CD300A: variants seen among roughly 807,000 people sequenced by gnomAD.
CD300A encodes the protein CD300a molecule.
A neutral mutation model predicts 33.6 loss-of-function variants in CD300A; 22 were observed. The ratio of observed to expected loss-of-function variants is 0.66; its 90% CI spans 0.47 to 0.94. CD300A has a LOEUF of 0.94. Among genes scored for constraint, CD300A ranks in the 40% least tolerant of loss-of-function variants. CD300A has a pLI of 0.00. For synonymous variants in CD300A, 136 were observed against 148.1 expected, an observed-to-expected ratio of 0.92 and a Z score of 0.59; for missense variants, 326 against 360.5, an observed-to-expected ratio of 0.90 and a Z score of 0.77.
chr17:74,466,736 G>A lies in CD300A; in HGVS notation c.33G>A (p.Trp11Ter). Residue 11 changes from tryptophan (W) to a stop codon, truncating the protein, a stop_gained, in exon 1 of 7, where the codon TGG (tryptophan) becomes TGA (stop). Transcript: ENST00000360141. LOFTEE classifies it high-confidence loss of function. MWLPWALLLL[W>*]VPGCFALSKC... Reference sequence around the variant, plus strand: ...TGCCTTGGGCTCTGTTGCTTCTCTGGGTCCCAGGTGAGAGTTTCCCTTCCC... The same window carrying A: ...TGCCTTGGGCTCTGTTGCTTCTCTGAGTCCCAGGTGAGAGTTTCCCTTCCC... The A allele has an allele frequency of 6.3e-7, 1 of 1,593,054 alleles. No homozygotes were observed. Among genetic ancestry groups the A allele is most frequent in the Non-Finnish European group, 8.6e-7 (1 of 1,169,302 alleles).
chr17:74,479,445 C>T (rs1337342116), intron 4 of CD300A, among the ~76,000 whole-genome samples: 2 of 151,856 alleles, frequency 1.3e-5, no homozygotes, highest in Non-Finnish European at 2.9e-5. Flanking sequence ...GATGGGGTTT[C>T]ACTATGTTGC....
At chr17:74,468,749 C>T (rs537938005) in intron 1 of CD300A, among the ~76,000 whole-genome samples, 36 of 152,130 alleles carry the variant, frequency 2.4e-4, no homozygotes, top group African/African-American at 8.0e-4. Flanking sequence ...CTCCGCCTCC[C>T]GGGTTCAAGT....
intron 3 of CD300A, among the ~76,000 whole-genome samples, chr17:74,476,536 A>G (rs1472455597): frequency 6.6e-6 from 1 of 152,172 alleles, no homozygotes; most frequent in African/African-American, 2.4e-5. Flanking sequence ...GTAATCTAAG[A>G]AAAAGATGAG....
intron 6 of CD300A, among the ~76,000 whole-genome samples, chr17:74,482,732 T>TCCTTCCTTTCCTTCC (rs1555639394): frequency 3.0e-5 from 4 of 132,944 alleles, no homozygotes; most frequent in African/African-American, 1.5e-4. Context: ...CTTTCTTTCT[T>TCCTTCCTTTCCTTCC]TGGAATCTCG....
At position 74,481,448 on chromosome 17, in the gene CD300A, A is replaced by C. The variant is rs1336924960; in HGVS notation, c.666+122A>C. ...ATGGAGCGGGGAGCTCACCCAGAGC[A>C]GGACGAATGATGCTGGGAGATGTGG... is the stretch of plus-strand genomic sequence containing the variant. On this transcript the variant is annotated intron_variant, in intron 5 of 6. Transcript: ENST00000360141. 3.4e-6 allele frequency: 3 copies of C among 872,778 alleles called. No homozygotes were observed. The East Asian group carries it at 7.4e-5, about 21-fold the overall frequency. The allele number at this position is 872,778 out of a possible 1,614,324, so 54.1% of individuals were successfully genotyped here. A position where few individuals can be genotyped will look rare whatever the true frequency, so the allele number is the denominator to read the frequency against.
chr17:74,472,612 C>CT (rs543193668), intron 1 of CD300A, among the ~76,000 whole-genome samples: 10,675 of 142,348 alleles, frequency 0.075, 533 homozygotes, highest in African/African-American at 0.15. Flanking sequence ...GTTTGTGACT[C>CT]TTTTTTTTTT....
rs753549071 is a variant in CD300A at position 74,481,758 on chromosome 17, T to C, written c.699T>C (p.Asn233=). Residue 233 remains asparagine (N), a synonymous_variant, in exon 6 of 7, where the codon AAT becomes AAC. Transcript: ENST00000360141. ...CGCAGAGTGAGCTGCACTACGCAAATCTGGAGCTGCTGATGTGGCCTCTGC... is the reference window on the plus strand; with the variant it reads ...CGCAGAGTGAGCTGCACTACGCAAACCTGGAGCTGCTGATGTGGCCTCTGC... The part of the protein sequence containing the change: ...AATQSELHYA[N]LELLMWPLQE... The C allele has an allele frequency of 1.2e-6, 2 of 1,612,428 alleles. No individual in the cohort carries two copies. The highest frequency in any genetic ancestry group is 1.1e-5 in the South Asian group (1 of 90,672).
At chr17:74,479,918 G>C (rs1376188000) in intron 4 of CD300A, among the ~76,000 whole-genome samples, 4 of 152,128 alleles carry the variant, frequency 2.6e-5, no homozygotes, top group Non-Finnish European at 5.9e-5. Flanking sequence ...CTGTGTGCCA[G>C]GCCTGTGCTG....
At chr17:74,474,402 GC>G in intron 2 of CD300A, 129 bp from the exon 3 acceptor site, 1 of 885,582 alleles carries the variant, frequency 1.1e-6, no homozygotes, top group Non-Finnish European at 1.8e-6. Context: ...AGAGACTCTA[GC>G]CCCAGGGTCC....
At chr17:74,470,488 T>A (rs1906026285) in intron 1 of CD300A, among the ~76,000 whole-genome samples, 1 of 151,640 alleles carries the variant, frequency 6.6e-6, no homozygotes, top group African/African-American at 2.4e-5. Context: ...GAGACAGGAT[T>A]GGGTGCAGTG....
At chr17:74,476,347 C>A (rs1448250976) in intron 3 of CD300A, among the ~76,000 whole-genome samples, 2 of 152,192 alleles carry the variant, frequency 1.3e-5, no homozygotes, top group Non-Finnish European at 2.9e-5. Flanking sequence ...CAGCCAGATT[C>A]TTTACTGGAC....
intron 6 of CD300A, among the ~76,000 whole-genome samples, chr17:74,482,702 CTTTCTTTCTTT>C (rs1238249805): frequency 0.1 from 12,712 of 124,912 alleles, 937 homozygotes; most frequent in East Asian, 0.37. Context: ...TCCTTCCTTT[CTTTCTTTCTTT>C]CTTTCTTTCT....
At chr17:74,467,384 G>A (rs926503632) in intron 1 of CD300A, among the ~76,000 whole-genome samples, 1 of 152,158 alleles carries the variant, frequency 6.6e-6, no homozygotes, top group Non-Finnish European at 1.5e-5. Flanking sequence ...AGAACCAGGG[G>A]TCAGTCCTCT....
chr17:74,470,433 A>G (rs1418010267), intron 1 of CD300A, among the ~76,000 whole-genome samples: 3 of 151,866 alleles, frequency 2.0e-5, no homozygotes, highest in African/African-American at 7.3e-5. Context: ...GAGAGGGAGA[A>G]AGAAACTAAA....
chr17:74,484,033 G>A lies in CD300A; in HGVS notation c.807G>A (p.Ser269=), dbSNP rs772744436. Residue 269 remains serine (S), a synonymous_variant, in exon 7 of 7, where the codon TCG becomes TCA. Transcript: ENST00000360141. The part of the protein sequence containing the change: ...ASPREELHYA[S]VVFDSNTNRI... ...CCAGGGAAGAACTTCACTATGCCTC[G>A]GTGGTGTTTGATTCTAACACCAACA... 24 of 1,613,838 alleles carry A rather than the reference G, an allele frequency of 1.5e-5. No individual in the cohort carries two copies. Among genetic ancestry groups the A allele is most frequent in the Admixed American group, 1.7e-5 (1 of 59,996 alleles).
intron 6 of CD300A, among the ~76,000 whole-genome samples, chr17:74,482,732 T>TCCTTCCTTTCCTTCCTTCCTTCC (rs1555639394): frequency 2.3e-5 from 3 of 132,948 alleles, no homozygotes; most frequent in African/African-American, 1.2e-4. Context: ...CTTTCTTTCT[T>TCCTTCCTTTCCTTCCTTCCTTCC]TGGAATCTCG....
At chr17:74,478,981 C>T (rs1042428399) in intron 4 of CD300A, among the ~76,000 whole-genome samples, 2 of 152,190 alleles carry the variant, frequency 1.3e-5, no homozygotes, top group African/African-American at 4.8e-5. Flanking sequence ...CAGTTCTGAG[C>T]CCCTTTCGGT....
At chr17:74,473,970 G>A in intron 2 of CD300A, 96 bp downstream of exon 2, 5 of 1,395,316 alleles carry the variant, frequency 3.6e-6, no homozygotes, top group Non-Finnish European at 4.9e-6. Context: ...GTGTGTGTGT[G>A]TGTGTGCGTA....
chr17:74,474,408 G>T (rs912952857), intron 2 of CD300A, 124 bp from the exon 3 acceptor site: 2 of 943,746 alleles, frequency 2.1e-6, no homozygotes, highest in African/African-American at 3.3e-5. Flanking sequence ...TCTAGCCCCA[G>T]GGTCCTGCAT....
Sources: gnomAD v4.1 joint callset for allele counts (sites outside exome capture counted in the v4.1 genomes callset) on GRCh38, gnomAD v4.1.1 for gene constraint, MANE v1.5 for transcripts, NCBI Gene and HGNC (gene_info 2026-07-23, HGNC 2026-07-21) for gene names.